Variants in CDC25B observed in about 807,000 individuals in gnomAD.
CDC25B encodes M-phase inducer phosphatase 2.
In CDC25B, 33 loss-of-function variants were observed where a neutral mutation model predicts 69.8. That is an observed-to-expected ratio of 0.47 (90% CI 0.36 to 0.63). CDC25B has a LOEUF of 0.63. Among genes scored for constraint, CDC25B ranks in the 30% least tolerant of loss-of-function variants. The pLI, the probability that CDC25B is intolerant of heterozygous loss-of-function variation, is 0.00. For synonymous variants in CDC25B, 341 were observed against 314.6 expected (o/e 1.08, Z -0.89); for missense variants, 727 against 809.1 (o/e 0.90, Z 1.23).
chr20:3,798,536 T>C, intron 3 of CDC25B, 73 bp downstream of exon 3: 1 of 1,262,152 alleles, frequency 7.9e-7, no homozygotes, highest in East Asian at 2.5e-5. Flanking sequence ...CTACCATAAA[T>C]TCACCCGGGA....
At position 3,804,864 on chromosome 20, in the gene CDC25B, C is replaced by T. The variant is rs1568514013; in HGVS notation, c.1646C>T (p.Ala549Val). ...PQDYRPMNHE[A>V]FKDELKTFRL... ...GACTACCGGCCCATGAACCACGAGG[C>T]CTTCAAGGATGAGCTAAAGACCTTC... The change falls in exon 16 of 16, where the codon GCC becomes GTC. Residue 549 changes from alanine to valine, a missense_variant. Ala to Val is a moderately conservative substitution (Grantham distance 64, BLOSUM62 0). This residue lies in a region of CDC25B where 359 missense variants were observed against 463.4 expected (regional missense o/e 0.77). Coordinates refer to ENST00000245960, the MANE Select transcript of CDC25B (RefSeq NM_021873.4). The T allele has an allele frequency of 2.5e-6, 4 of 1,614,156 alleles. No individual in the cohort carries two copies. Among genetic ancestry groups the T allele is most frequent in the Non-Finnish European group, 3.4e-6 (4 of 1,180,014 alleles).
chr20:3,789,072 C>T (rs1451754300), intron 1 of CDC25B, among the ~76,000 whole-genome samples: 2 of 152,190 alleles, frequency 1.3e-5, no homozygotes, highest in African/African-American at 2.4e-5. Flanking sequence ...CTCAAGTGAC[C>T]ATTTCCCCCA....
At chr20:3,801,854 A>C (rs1311266248) in intron 9 of CDC25B, 52 bp downstream of exon 9, 1 of 1,582,124 alleles carries the variant, frequency 6.3e-7, no homozygotes, top group South Asian at 1.2e-5. Context: ...GGTCCATCCT[A>C]CTCTCCAGTG....
intron 2 of CDC25B, 89 bp from the exon 3 acceptor site, chr20:3,798,315 GTTTTTTTT>G (rs58192077): frequency 4.1e-4 from 153 of 372,426 alleles, no homozygotes; most frequent in East Asian, 5.6e-4. Flanking sequence ...ACTAGAAACT[GTTTTTTTT>G]TTTTTTTTTT....
At position 3,805,555 on chromosome 20, in the gene CDC25B, T is replaced by C; in HGVS notation, c.*594T>C. The C allele has an allele frequency of 1.8e-5, 7 of 390,476 alleles. No individual in the cohort carries two copies. The highest frequency in any genetic ancestry group is 2.7e-5 in the Non-Finnish European group (6 of 221,306). 24.2% of individuals were successfully genotyped at this position (390,476 alleles called of 1,614,324 possible). A position where few individuals can be genotyped will look rare whatever the true frequency, so the allele number is the denominator to read the frequency against. ...CCTATTTCAGTGTTACCTGTGTGCT[T>C]GGTCTGTTTGACTTTACGCCCATCT... is the stretch of plus-strand genomic sequence containing the variant. On this transcript the variant is annotated 3_prime_UTR_variant, in exon 16 of 16. Transcript: ENST00000245960.
At chr20:3,797,806 T>C (rs1002361848) in intron 2 of CDC25B, 57 bp downstream of exon 2, 49 of 1,596,574 alleles carry the variant, frequency 3.1e-5, no homozygotes, top group Middle Eastern at 1.7e-4. Context: ...TTGTGGGGGC[T>C]GCCTGGGCCT....
In CDC25B at chr20:3,790,338, C is replaced by T. The variant is rs1436807378; in HGVS notation, c.8+3199C>T. Among the ~76,000 whole-genome samples the T allele has an allele frequency of 5.5e-4, 82 of 150,276 alleles. 1 individual carries two copies. Among genetic ancestry groups the T allele is most frequent in the Non-Finnish European group, 5.9e-5 (4 of 67,682 alleles). Reference sequence around the variant, plus strand: ...ATTCACCCATTTAAAGTGTACAGTTCACAGATGTGCTCAACTGTCACCACA... The same window carrying T: ...ATTCACCCATTTAAAGTGTACAGTTTACAGATGTGCTCAACTGTCACCACA... On this transcript the variant is annotated intron_variant, in intron 1 of 15. Coordinates refer to the CDC25B transcript ENST00000344256.
Position 3,803,745 on chromosome 20 carries a change from T to C in CDC25B, c.1490+208T>C, listed in dbSNP as rs1208928448. Reference sequence around the variant, plus strand: ...TCACTGTCCTGCCTATCAAGCCTCATGTCCACCCCACATCCATTACTGCCA... The same window carrying C: ...TCACTGTCCTGCCTATCAAGCCTCACGTCCACCCCACATCCATTACTGCCA... On this transcript the variant is annotated intron_variant, in intron 14 of 15. Transcript: ENST00000245960. This position sits in a 1 kb window ranked among gnomAD's most constrained non-coding sequence, Gnocchi z 4.9. Among the ~76,000 whole-genome samples, 1 of 152,204 alleles carries C rather than the reference T, an allele frequency of 6.6e-6. No individual in the cohort carries two copies. Among genetic ancestry groups the C allele is most frequent in the East Asian group, 1.9e-4 (1 of 5,192 alleles).
chr20:3,797,177 T>C (rs1362586444), intron 1 of CDC25B, among the ~76,000 whole-genome samples: 1 of 152,158 alleles, frequency 6.6e-6, no homozygotes, highest in Admixed American at 6.5e-5. Context: ...AGACAATTAA[T>C]TAAACACTGA....
At chr20:3,801,413 C>G in intron 8 of CDC25B, 25 bp downstream of exon 8, 1 of 1,574,674 alleles carries the variant, frequency 6.4e-7, no homozygotes, top group Non-Finnish European at 8.6e-7. Context: ...CCCACCAGGC[C>G]CCTACCTTCC....
intron 8 of CDC25B, 142 bp from the exon 9 acceptor site, chr20:3,801,580 G>C: frequency 9.9e-7 from 1 of 1,008,166 alleles, no homozygotes. Context: ...AGTGGAGGGC[G>C]GTTTGGGAGG....
chr20:3,802,678 G>A (rs2089329169), intron 11 of CDC25B: 2 of 606,900 alleles, frequency 3.3e-6, no homozygotes, highest in South Asian at 4.0e-5. Context: ...GGAGCAGAGT[G>A]TGGAGTTCAT....
chr20:3,804,616 G>C lies in CDC25B; in HGVS notation c.1538G>C (p.Ser513Thr), dbSNP rs1331672189. The C allele has an allele frequency of 6.2e-7, 1 of 1,614,002 alleles. No homozygotes were observed. The highest frequency in any genetic ancestry group is 8.5e-7 in the Non-Finnish European group (1 of 1,179,994). The change falls in exon 15 of 16, where the codon AGC becomes ACC. Residue 513 changes from serine (S) to threonine (T), a missense_variant. This residue lies in a region of CDC25B where 359 missense variants were observed against 463.4 expected (regional missense o/e 0.77). Transcript: ENST00000245960. ...ERDRAVNDYP[S>T]LYYPEMYILK... ...GACCGTGCTGTCAACGACTACCCCA[G>C]CCTCTACTACCCTGAGATGTATATC...
In CDC25B at chr20:3,805,087, T is replaced by A; in HGVS notation, c.*126T>A. 5 of 933,902 alleles carry A rather than the reference T, an allele frequency of 5.4e-6. No individual in the cohort carries two copies. The South Asian group carries it at 6.8e-5, about 13-fold the overall frequency. 57.9% of individuals were successfully genotyped at this position (933,902 alleles called of 1,614,324 possible). On this transcript the variant is annotated 3_prime_UTR_variant, in exon 16 of 16. Transcript: ENST00000245960. ...CTGTCCATGGGAAAGATGGTGTGGG[T>A]GTCCTGCCTGTCTGCCCCAGCCCAG...
Position 3,800,472 on chromosome 20 carries a change from G to A in CDC25B, c.433G>A (p.Ala145Thr), listed in dbSNP as rs968527639. The change falls in exon 5 of 16, where the codon GCC becomes ACC. Residue 145 changes from alanine to threonine, a missense_variant. Physicochemically the swap from Ala to Thr is moderately conservative, Grantham distance 58. Coordinates refer to ENST00000245960, the MANE Select transcript of CDC25B (RefSeq NM_021873.4). ...ASRIIRNEQF[A>T]IRRFQSMPVR... is the part of the protein sequence containing the mutation. The stretch of plus-strand genomic sequence containing the variant: ...CATTTCCTCCTGTAGCGAGCAGTTT[G>A]CCATCAGACGCTTCCAGTCTATGCC... 4 of 1,614,088 alleles carry A rather than the reference G, an allele frequency of 2.5e-6. No homozygotes were observed. In the African/African-American group the frequency reaches 4.0e-5, roughly 16 times the overall value.
At chr20:3,796,856 T>A in intron 1 of CDC25B, 125 bp downstream of exon 1, 1 of 1,269,740 alleles carries the variant, frequency 7.9e-7, no homozygotes, top group Non-Finnish European at 1.0e-6. Context: ...TCCTGAGCAG[T>A]GGAGAGGTAC....
At chr20:3,795,747 G>A, upstream of CDC25B, 1 of 985,500 alleles carries the variant, frequency 1.0e-6, no homozygotes, top group Non-Finnish European at 1.2e-6. Context: ...TTTTGCTGCT[G>A]CTCAGCGCAG....
Position 3,803,218 on chromosome 20 carries a change from C to A in CDC25B, c.1356+12C>A, listed in dbSNP as rs753329683. ...GCGGGCACATCAAGGTAAGATGGGG[C>A]AATGGGGAGAGGCCCTGAAGATCCC... On this transcript the variant is annotated intron_variant, in intron 13 of 15. Coordinates refer to ENST00000245960, the MANE Select transcript of CDC25B (RefSeq NM_021873.4). The surrounding 1 kb of genome is among the most constrained non-coding windows in gnomAD (Gnocchi z 4.9). The A allele has an allele frequency of 6.3e-7, 1 of 1,599,816 alleles. No homozygotes were observed. Among genetic ancestry groups the A allele is most frequent in the South Asian group, 1.1e-5 (1 of 90,534 alleles).
Position 3,802,387 on chromosome 20 carries a change from C to A in CDC25B, c.1194+11C>A. 1 of 1,589,768 alleles carries A rather than the reference C, an allele frequency of 6.3e-7. No homozygotes were observed. The highest frequency in any genetic ancestry group is 8.6e-7 in the Non-Finnish European group (1 of 1,165,714). ...GGAGATTACTCTAAGGTACCTGCAG[C>A]AGCGAAGGGGGTACCTTGGGGGCTT... On this transcript the variant is annotated intron_variant, in intron 11 of 15. Transcript: ENST00000245960.
Sources: gnomAD v4.1 joint callset for allele counts (sites outside exome capture counted in the v4.1 genomes callset) on GRCh38, gnomAD v4.1.1 for gene constraint, gnomAD v4.1.1 regional missense constraint, Gnocchi (gnomAD v3.1) non-coding constraint, MANE v1.5 for transcripts, NCBI Gene and HGNC (gene_info 2026-07-23, HGNC 2026-07-21) for gene names.